CAMKMT: variants seen among roughly 807,000 people sequenced by gnomAD.
The protein encoded by CAMKMT is calmodulin-lysine N-methyltransferase.
A neutral mutation model predicts 48.0 loss-of-function variants in CAMKMT; 53 were observed. That is an observed-to-expected ratio of 1.10 (90% CI 0.89 to 1.39). CAMKMT has a LOEUF of 1.39. Ranked by LOEUF, CAMKMT falls within the 40% of genes most tolerant of loss-of-function variation. The probability of loss-of-function intolerance (pLI) is 0.00; values close to 1 mark genes in which losing one functional copy is unlikely to be tolerated. For missense variants in CAMKMT, 428 were observed against 402.7 expected (o/e 1.06, Z -0.54); for synonymous variants, 165 against 152.3 (o/e 1.08, Z -0.61).
chr2:44,496,496 C>T (rs1324972958), intron 3 of CAMKMT, among the ~76,000 whole-genome samples: 1 of 152,164 alleles, frequency 6.6e-6, no homozygotes, highest in Non-Finnish European at 1.5e-5. Context: ...CCACTTTTGA[C>T]TAATACAGTT....
intron 6 of CAMKMT, among the ~76,000 whole-genome samples, chr2:44,709,767 G>A (rs1236689106): frequency 6.6e-6 from 1 of 151,938 alleles, no homozygotes; most frequent in Admixed American, 6.6e-5. Flanking sequence ...AAATTATATA[G>A]CAGTTGTAGG....
chr2:44,526,419 G>C (rs1449145771), intron 3 of CAMKMT, among the ~76,000 whole-genome samples: 1 of 152,146 alleles, frequency 6.6e-6, no homozygotes, highest in African/African-American at 2.4e-5. Flanking sequence ...CTTGGCTCAG[G>C]CAGTTATGCA....
At chr2:44,667,520 T>A (rs1188181154) in intron 3 of CAMKMT, among the ~76,000 whole-genome samples, 1 of 152,200 alleles carries the variant, frequency 6.6e-6, no homozygotes, top group Non-Finnish European at 1.5e-5. Context: ...TGCTGAAGAT[T>A]TTAGAACTTG....
At chr2:44,690,513 T>G (rs1464511693) in intron 3 of CAMKMT, among the ~76,000 whole-genome samples, 1 of 152,224 alleles carries the variant, frequency 6.6e-6, no homozygotes, top group East Asian at 1.9e-4. Context: ...GCTGTGCCGC[T>G]TCAGCTTACT....
intron 3 of CAMKMT, among the ~76,000 whole-genome samples, chr2:44,449,561 A>G (rs1667183407): frequency 6.6e-6 from 1 of 152,014 alleles, no homozygotes; most frequent in Non-Finnish European, 1.5e-5. Flanking sequence ...TTATCATGTC[A>G]TATCATATTA....
chr2:44,683,545 G>A (rs913321914), intron 3 of CAMKMT, among the ~76,000 whole-genome samples: 2 of 152,190 alleles, frequency 1.3e-5, no homozygotes, highest in Non-Finnish European at 2.9e-5. Flanking sequence ...ACGAGGCAGG[G>A]CGCGGTGGCT....
intron 3 of CAMKMT, among the ~76,000 whole-genome samples, chr2:44,530,366 A>T (rs557698082): frequency 6.6e-6 from 1 of 152,338 alleles, no homozygotes; most frequent in East Asian, 1.9e-4. Context: ...AAAAATATTT[A>T]ATTAAATTGT....
At chr2:44,492,649 G>A (rs1378348749) in intron 3 of CAMKMT, among the ~76,000 whole-genome samples, 1 of 152,010 alleles carries the variant, frequency 6.6e-6, no homozygotes, top group African/African-American at 2.4e-5. Context: ...TTTGTGGGTT[G>A]GGCCTTCTTC....
chr2:44,767,876 A>G (rs1360836568), intron 10 of CAMKMT, among the ~76,000 whole-genome samples: 1 of 152,170 alleles, frequency 6.6e-6, no homozygotes, highest in African/African-American at 2.4e-5. Context: ...AGCTGCTTCA[A>G]TGTCGTGCCA....
At chr2:44,518,852 A>C (rs1670961214) in intron 3 of CAMKMT, among the ~76,000 whole-genome samples, 1 of 152,216 alleles carries the variant, frequency 6.6e-6, no homozygotes, top group South Asian at 2.1e-4. Context: ...AGAACATGTC[A>C]TGCTGAAGAG....
At chr2:44,717,336 C>T (rs17032551) in intron 7 of CAMKMT, among the ~76,000 whole-genome samples, 2,887 of 152,180 alleles carry the variant, frequency 0.019, 71 homozygotes, top group African/African-American at 0.066. Context: ...AAAGCACTTT[C>T]TAGTGAACAG....
chr2:44,416,893 T>G (rs551586333), intron 3 of CAMKMT, among the ~76,000 whole-genome samples: 5 of 152,104 alleles, frequency 3.3e-5, no homozygotes, highest in African/African-American at 1.2e-4. Context: ...GTTTTTGAGA[T>G]TCATCCATAT....
At chr2:44,735,258 T>G (rs907647260) in intron 7 of CAMKMT, among the ~76,000 whole-genome samples, 1 of 152,248 alleles carries the variant, frequency 6.6e-6, no homozygotes, top group Non-Finnish European at 1.5e-5. Flanking sequence ...ATGCATTTAT[T>G]GTAAGCCACA....
chr2:44,576,628 CT>C (rs1198494057), intron 3 of CAMKMT, among the ~76,000 whole-genome samples: 1 of 152,130 alleles, frequency 6.6e-6, no homozygotes, highest in African/African-American at 2.4e-5. Context: ...GTGACTTACA[CT>C]GATAGCATTC....
At chr2:44,438,352 G>A (rs917355829) in intron 3 of CAMKMT, among the ~76,000 whole-genome samples, 2 of 152,070 alleles carry the variant, frequency 1.3e-5, no homozygotes, top group East Asian at 3.9e-4. Context: ...GAATATAATT[G>A]GTTTTGAAAT....
intron 2 of CAMKMT, among the ~76,000 whole-genome samples, chr2:44,375,867 C>T (rs1223890303): frequency 6.6e-6 from 1 of 151,982 alleles, no homozygotes; most frequent in Middle Eastern, 3.2e-3. Context: ...CTTACTGCAA[C>T]CTTTACCTCC....
chr2:44,702,627 C>T (rs1025831294), intron 3 of CAMKMT, among the ~76,000 whole-genome samples: 2 of 152,158 alleles, frequency 1.3e-5, no homozygotes, highest in African/African-American at 4.8e-5. Context: ...AGTCTGGTTC[C>T]AAAATATCTG....
Position 44,766,438 on chromosome 2 carries a change from G to A in CAMKMT, c.771G>A (p.Ala257=), listed in dbSNP as rs201420188. ...CCTTTTTACTGTTCTAGGGGAAAGCGATGGTATTTGCCCCACGCCGAGGGA... is the reference window on the plus strand; with the variant it reads ...CCTTTTTACTGTTCTAGGGGAAAGCAATGGTATTTGCCCCACGCCGAGGGA... ...IKRLLQPRGK[A]MVFAPRRGNT... is the part of the protein sequence containing the mutation. Residue 257 remains alanine (A), a synonymous_variant, in exon 10 of 11, where the codon GCG becomes GCA. Transcript: ENST00000378494. 85 of 1,613,936 alleles carry A rather than the reference G, an allele frequency of 5.3e-5. No individual in the cohort carries two copies. The highest frequency in any genetic ancestry group is 1.2e-4 in the Admixed American group (7 of 59,960).
intron 7 of CAMKMT, among the ~76,000 whole-genome samples, chr2:44,727,654 A>C (rs1054252978): frequency 6.6e-5 from 10 of 152,224 alleles, no homozygotes; most frequent in African/African-American, 2.4e-4. Flanking sequence ...ATTGAATAGG[A>C]GTGGTGAGAC....
Sources: allele counts gnomAD v4.1 joint callset (sites outside exome capture counted in the v4.1 genomes callset), GRCh38; gene constraint gnomAD v4.1.1; transcripts MANE v1.5; gene names NCBI Gene and HGNC (gene_info 2026-07-23, HGNC 2026-07-21).